RAB3C: variants seen among roughly 807,000 people sequenced by gnomAD.
RAB3C encodes ras-related protein Rab-3C.
RAB3C carries 17 observed loss-of-function variants against 26.4 expected under a neutral mutation model. The observed-to-expected ratio is 0.64, with a 90% CI of 0.44 to 0.97. RAB3C has a LOEUF of 0.97. Among genes scored for constraint, RAB3C ranks in the 50% least tolerant of loss-of-function variants. The pLI, the probability that RAB3C is intolerant of heterozygous loss-of-function variation, is 0.00. For missense variants in RAB3C, 242 were observed against 281.9 expected (o/e 0.86, Z 1.01); for synonymous variants, 91 against 95.9 (o/e 0.95, Z 0.30).
intron 1 of RAB3C, among the ~76,000 whole-genome samples, chr5:58,598,598 C>T (rs560281152): frequency 2.6e-5 from 4 of 152,180 alleles, no homozygotes; most frequent in African/African-American, 9.6e-5. Flanking sequence ...TAGGACAGGT[C>T]CTATCACAGG....
intron 3 of RAB3C, among the ~76,000 whole-genome samples, chr5:58,822,015 T>C (rs1268721163): frequency 6.6e-6 from 1 of 152,002 alleles, no homozygotes; most frequent in East Asian, 1.9e-4. Context: ...CAAACTTTAA[T>C]CATTTGTTTA....
At chr5:58,848,954 T>A (rs1364704318) in intron 4 of RAB3C, among the ~76,000 whole-genome samples, 1 of 152,166 alleles carries the variant, frequency 6.6e-6, no homozygotes, top group Non-Finnish European at 1.5e-5. Flanking sequence ...GTCTCTTTAA[T>A]AGCCACATAT....
intron 2 of RAB3C, among the ~76,000 whole-genome samples, chr5:58,630,878 C>A (rs1747173542): frequency 6.6e-6 from 1 of 152,158 alleles, no homozygotes; most frequent in South Asian, 2.1e-4. Flanking sequence ...TTATAGAGGT[C>A]TGTCTTGATA....
At chr5:58,831,508 T>C (rs1009807779) in intron 4 of RAB3C, among the ~76,000 whole-genome samples, 1 of 152,224 alleles carries the variant, frequency 6.6e-6, no homozygotes, top group African/African-American at 2.4e-5. Context: ...TCTCACTCTA[T>C]GTCCAAATTA....
chr5:58,847,185 T>A lies in RAB3C; in HGVS notation c.497-3979T>A, dbSNP rs1744023861. On this transcript the variant is annotated intron_variant, in intron 4 of 4. Transcript: ENST00000282878. Reference sequence around the variant, plus strand: ...TGATTTGCTGATGAAGAAACCTACATGAGCTGAAAATACTAATTCTGGATG... The same window carrying A: ...TGATTTGCTGATGAAGAAACCTACAAGAGCTGAAAATACTAATTCTGGATG... 6 of 152,198 alleles carry A rather than the reference T, an allele frequency of 3.9e-5. 1 individual carries two copies. The allele number at this position is 152,198 out of a possible 1,614,324, so 9.4% of individuals were successfully genotyped here.
intron 1 of RAB3C, among the ~76,000 whole-genome samples, chr5:58,610,265 GA>G (rs1561265511): frequency 6.8e-6 from 1 of 147,170 alleles, no homozygotes. Context: ...CTAGGAGTGG[GA>G]TTGTTAGGTC....
intron 1 of RAB3C, among the ~76,000 whole-genome samples, chr5:58,610,325 C>G (rs1746672559): frequency 6.6e-6 from 1 of 151,588 alleles, no homozygotes; most frequent in South Asian, 2.1e-4. Context: ...AACTGTTTGT[C>G]AGAGAGGCTG....
intron 3 of RAB3C, among the ~76,000 whole-genome samples, chr5:58,727,305 G>A (rs1168154490): frequency 6.6e-6 from 1 of 151,678 alleles, no homozygotes. Context: ...TACAATGCAA[G>A]AAATAATACC....
intron 3 of RAB3C, among the ~76,000 whole-genome samples, chr5:58,739,516 C>CA (rs776267875): frequency 4.0e-5 from 6 of 150,644 alleles, no homozygotes; most frequent in Non-Finnish European, 3.0e-5. Flanking sequence ...TTCTTAAAAA[C>CA]AAAAAAATAA....
rs113689184 is a variant in RAB3C, at chr5:58,766,745, C to G, written c.371+40625C>G. ...AGCTCAGCTAAAGGTTTAATCGGAG[C>G]CTTCGTTAGATAAAGGCATGGTGCA... On this transcript the variant is annotated intron_variant, in intron 3 of 4. Coordinates refer to ENST00000282878, the MANE Select transcript of RAB3C (RefSeq NM_138453.4). Among the ~76,000 whole-genome samples, 398 of 152,116 alleles carry G rather than the reference C, an allele frequency of 2.6e-3. 4 individuals are homozygous for G. The highest frequency in any genetic ancestry group is 5.0e-3 in the South Asian group (24 of 4,822).
intron 2 of RAB3C, among the ~76,000 whole-genome samples, chr5:58,700,042 CTG>C (rs1748809016): frequency 1.3e-5 from 2 of 152,158 alleles, no homozygotes; most frequent in African/African-American, 4.8e-5. Flanking sequence ...CCCATCTTCT[CTG>C]TAGATCATGC....
Position 58,675,550 on chromosome 5 carries a change from A to G in RAB3C, c.253-50452A>G, listed in dbSNP as rs190517493. Among the ~76,000 whole-genome samples the G allele has an allele frequency of 1.4e-3, 219 of 151,808 alleles. 2 individuals carry two copies. The highest frequency in any genetic ancestry group is 2.4e-3 in the Admixed American group (37 of 15,262). Reference sequence around the variant, plus strand: ...CATAGCAACTGGGAGTCACAGTTGTACTGAAATGAGAAGGAAATGTGCTTC... The same window carrying G: ...CATAGCAACTGGGAGTCACAGTTGTGCTGAAATGAGAAGGAAATGTGCTTC... On this transcript the variant is annotated intron_variant, in intron 2 of 4. Transcript: ENST00000282878.
intron 2 of RAB3C, among the ~76,000 whole-genome samples, chr5:58,691,875 G>T (rs1420679271): frequency 6.6e-6 from 1 of 152,172 alleles, no homozygotes; most frequent in Non-Finnish European, 1.5e-5. Context: ...TGGTCTTCTT[G>T]TTCTTTAATC....
At chr5:58,606,197 T>C (rs1746565011) in intron 1 of RAB3C, among the ~76,000 whole-genome samples, 1 of 152,156 alleles carries the variant, frequency 6.6e-6, no homozygotes, top group South Asian at 2.1e-4. Context: ...TCTGCCCAAA[T>C]ACTGTGCTTC....
chr5:58,812,504 C>A (rs1314613035), intron 3 of RAB3C, among the ~76,000 whole-genome samples: 6 of 152,126 alleles, frequency 3.9e-5, no homozygotes, highest in Non-Finnish European at 7.4e-5. Context: ...GTGTCTTGTG[C>A]ACTGTTGTTT....
chr5:58,607,307 A>T (rs1052999061), intron 1 of RAB3C, among the ~76,000 whole-genome samples: 1 of 152,220 alleles, frequency 6.6e-6, no homozygotes, highest in African/African-American at 2.4e-5. Context: ...GGAAGAAAGG[A>T]TATCAGTGAT....
At chr5:58,654,233 G>A in intron 2 of RAB3C, among the ~76,000 whole-genome samples, 1 of 152,112 alleles carries the variant, frequency 6.6e-6, no homozygotes, top group East Asian at 1.9e-4. Flanking sequence ...ATGAAGTATT[G>A]CTTGGAGTGT....
intron 1 of RAB3C, among the ~76,000 whole-genome samples, chr5:58,598,597 T>C (rs1746378044): frequency 6.6e-6 from 1 of 152,128 alleles, no homozygotes; most frequent in African/African-American, 2.4e-5. Context: ...CTAGGACAGG[T>C]CCTATCACAG....
intron 3 of RAB3C, among the ~76,000 whole-genome samples, chr5:58,773,861 C>G (rs956642542): frequency 2.6e-5 from 4 of 152,112 alleles, no homozygotes; most frequent in Non-Finnish European, 5.9e-5. Flanking sequence ...CTTCTGCTCC[C>G]AAGTTGCAAA....
Sources: allele counts gnomAD v4.1 joint callset (sites outside exome capture counted in the v4.1 genomes callset), GRCh38; gene constraint gnomAD v4.1.1; transcripts MANE v1.5; gene names NCBI Gene and HGNC (gene_info 2026-07-23, HGNC 2026-07-21).